EPG5: variants seen among roughly 807,000 people sequenced by gnomAD.
EPG5 encodes ectopic P granules protein 5 homolog.
In EPG5, 159 loss-of-function variants were observed where a neutral mutation model predicts 302.7. That is an observed-to-expected ratio of 0.53 (90% confidence interval 0.46 to 0.60). The LOEUF is 0.60. Among genes scored for constraint, EPG5 ranks in the 20% least tolerant of loss-of-function variants. EPG5 has a pLI of 0.00. For synonymous variants in EPG5, 1,158 were observed against 1,136.8 expected (o/e 1.02, Z -0.37); for missense variants, 2,896 against 3,092.4 (o/e 0.94, Z 1.51).
chr18:45,872,988 T>C lies in EPG5; in HGVS notation c.6050-2246A>G, dbSNP rs1336478778. 2.0e-5 allele frequency among the ~76,000 whole-genome samples: 3 copies of C among 152,224 alleles called. 1 individual carries two copies. The Middle Eastern group carries it at 9.5e-3, about 482-fold the overall frequency. ...TTCTGTGACGTCAGATAAATTCTTT[T>C]CATTTTCAGGTCCCCACTTTTCTCA... On this transcript the variant is annotated intron_variant, in intron 35 of 43. Coordinates refer to ENST00000282041, the MANE Select transcript of EPG5 (RefSeq NM_020964.3).
Position 45,967,191 on chromosome 18 carries a change from G to A in EPG5, c.49C>T (p.Arg17Trp), listed in dbSNP as rs1328157041. ...PQRRAKAKAS[R>W]TKTKEKKKYE... ...GAGATCCTCACCTTTGTTTTAGTCC[G>A]GCTGGCCTTGGCCTTGGCCCGGCGC... The change falls in exon 1 of 44, where the codon CGG (arginine) becomes TGG (tryptophan). Residue 17 changes from arginine (R) to tryptophan (W), a missense_variant. Around this residue, in one of 5 missense-constraint regions of EPG5, gnomAD observed 1,390 missense variants for 1,430.0 expected, o/e 0.97. Transcript: ENST00000282041. 6.2e-7 allele frequency: 1 copy of A among 1,604,462 alleles called. No homozygotes were observed.
intron 20 of EPG5, 101 bp from the exon 21 acceptor site, chr18:45,913,929 T>G: frequency 7.0e-7 from 1 of 1,437,474 alleles, no homozygotes; most frequent in Middle Eastern, 1.9e-4. Flanking sequence ...TATCTCAAGC[T>G]CAATCAGCAA....
the EPG5 span, among the ~76,000 whole-genome samples, chr18:45,810,121 T>C: frequency 6.6e-6 from 1 of 152,134 alleles, no homozygotes; most frequent in East Asian, 1.9e-4. Flanking sequence ...CTAGAAGAGA[T>C]GGATAAATTC....
At chr18:45,842,520 A>G in the EPG5 span, 4 of 280,370 alleles carry the variant, frequency 1.4e-5, no homozygotes, top group South Asian at 2.5e-4. Flanking sequence ...TTTCTTACCT[A>G]GAACACCTGC....
chr18:45,880,541 G>T (rs1199055218), intron 31 of EPG5, among the ~76,000 whole-genome samples: 3 of 152,104 alleles, frequency 2.0e-5, no homozygotes, highest in African/African-American at 7.2e-5. Flanking sequence ...TGCCTCTCCT[G>T]GCTGGGGGAC....
chr18:45,856,542 T>C (rs994343329), intron 42 of EPG5, among the ~76,000 whole-genome samples: 1 of 152,200 alleles, frequency 6.6e-6, no homozygotes, highest in Admixed American at 6.5e-5. Context: ...ATGGTTACCA[T>C]GGAAAGTTTT....
chr18:45,884,742 A>G lies in EPG5; in HGVS notation c.5179T>C (p.Cys1727Arg). 6.2e-7 allele frequency: 1 copy of G among 1,607,198 alleles called. No homozygotes were observed. Among genetic ancestry groups the G allele is most frequent in the Admixed American group, 1.7e-5 (1 of 58,682 alleles). The change falls in exon 30 of 44, where the codon TGC becomes CGC. Residue 1727 changes from cysteine (C) to arginine (R), a missense_variant. Coordinates refer to ENST00000282041, the MANE Select transcript of EPG5 (RefSeq NM_020964.3). ...LETILKNSRL[C>R]SLLSPFFTPN... The stretch of plus-strand genomic sequence containing the variant: ...GTGAAGAAAGGAGACAGCAGGGAGC[A>G]GAGCCTGCTGTTCTTCAGAATGGTT...
intron 16 of EPG5, among the ~76,000 whole-genome samples, chr18:45,920,245 T>G (rs560443810): frequency 1.3e-5 from 2 of 152,154 alleles, no homozygotes; most frequent in East Asian, 3.8e-4. Flanking sequence ...CCTACCTTCA[T>G]AGAGCAAACA....
chr18:45,927,591 TATACACACACACACACAC>T (rs2050302050), intron 13 of EPG5, among the ~76,000 whole-genome samples: 1 of 75,514 alleles, frequency 1.3e-5, no homozygotes, highest in Admixed American at 1.2e-4. Context: ...AACAAAAAGT[TATACACACACACACACAC>T]ACACACACAC....
intron 27 of EPG5, among the ~76,000 whole-genome samples, chr18:45,898,850 G>C (rs1456716531): frequency 6.6e-6 from 1 of 152,208 alleles, no homozygotes; most frequent in African/African-American, 2.4e-5. Flanking sequence ...ATTGAGACCG[G>C]ACGCGGTGGC....
At chr18:45,811,385 A>G in the EPG5 span, among the ~76,000 whole-genome samples, 1 of 152,234 alleles carries the variant, frequency 6.6e-6, no homozygotes, top group Non-Finnish European at 1.5e-5. Flanking sequence ...CAATAGAGAA[A>G]GAGGGAATCC....
rs1252408577 is a variant in EPG5, at chr18:45,949,400, T to C, written c.1497+84A>G. On this transcript the variant is annotated intron_variant, in intron 5 of 43. Coordinates refer to ENST00000282041, the MANE Select transcript of EPG5 (RefSeq NM_020964.3). ...ATATTACTCTTTTTTAAATAGTCCT[T>C]TTTTTTTCAGCAATTTCTTCAGGAA... 3.2e-5 allele frequency: 24 copies of C among 742,294 alleles called. 1 individual carries two copies. The East Asian group carries it at 4.5e-4, about 14-fold the overall frequency. The allele number at this position is 742,294 out of a possible 1,614,324, so 46.0% of individuals were successfully genotyped here. A position where few individuals can be genotyped will look rare whatever the true frequency, so the allele number is the denominator to read the frequency against.
chr18:45,837,584 C>T, the EPG5 span: 4 of 1,512,476 alleles, frequency 2.6e-6, no homozygotes, highest in Non-Finnish European at 3.5e-6. Flanking sequence ...CGCGGCAGTG[C>T]TGCCCTGCAC....
At chr18:45,870,476 C>T in intron 36 of EPG5, 91 bp downstream of exon 36, 1 of 1,161,298 alleles carries the variant, frequency 8.6e-7, no homozygotes, top group Non-Finnish European at 1.2e-6. Flanking sequence ...CGCTAGCACA[C>T]ACTGCCACTA....
rs2050196248 is a variant in EPG5, at chr18:45,923,303, G to T, written c.2803C>A (p.Pro935Thr). 6.2e-7 allele frequency: 1 copy of T among 1,613,930 alleles called. No individual in the cohort carries two copies. The highest frequency in any genetic ancestry group is 2.2e-5 in the East Asian group (1 of 44,866). ...EAYQKYLAQK[P>T]YAGILSESMK... ...CTTTCAGAGAGAATCCCAGCATATG[G>T]CTTCTGTGCAAGGTACTTCTGATAA... The change falls in exon 15 of 44, where the codon CCA becomes ACA. Residue 935 changes from proline to threonine, a missense_variant. By Grantham distance (38) the Pro-to-Thr change is conservative (BLOSUM62 -1). Transcript: ENST00000282041.
At chr18:45,909,505 AT>A (rs1260337020) in intron 23 of EPG5, among the ~76,000 whole-genome samples, 1 of 152,162 alleles carries the variant, frequency 6.6e-6, no homozygotes, top group African/African-American at 2.4e-5. Context: ...TCACCTAGCT[AT>A]TGTGTATTGA....
At chr18:45,852,793 G>GAAGGCAGGC in intron 43 of EPG5, 144 bp from the exon 44 acceptor site, 1 of 705,768 alleles carries the variant, frequency 1.4e-6, no homozygotes, top group Non-Finnish European at 2.4e-6. Context: ...CAGGAGTCCG[G>GAAGGCAGGC]AAGGCAGGCA....
rs201696478 is a variant in EPG5 at position 45,896,827 on chromosome 18, G to A, written c.4809+2577C>T. 2.0e-5 allele frequency among the ~76,000 whole-genome samples: 3 copies of A among 152,300 alleles called. No homozygotes were observed. The East Asian group carries it at 5.8e-4, about 29-fold the overall frequency. ...CTCCCAAAGTGCTAGGATTACAGGA[G>A]TGACCCACCACGCTCAGCCCAACTT... On this transcript the variant is annotated intron_variant, in intron 27 of 43. Transcript: ENST00000282041.
At chr18:45,896,624 A>C (rs1231379516) in intron 27 of EPG5, among the ~76,000 whole-genome samples, 4 of 151,980 alleles carry the variant, frequency 2.6e-5, no homozygotes, top group Admixed American at 6.6e-5. Flanking sequence ...AGCTCACTGC[A>C]GCCTGGACCT....
Sources: allele counts gnomAD v4.1 joint callset (sites outside exome capture counted in the v4.1 genomes callset), GRCh38; gene constraint gnomAD v4.1.1; regional missense constraint gnomAD v4.1.1; transcripts MANE v1.5; gene names NCBI Gene and HGNC (gene_info 2026-07-23, HGNC 2026-07-21).